STXBP5L: variants seen among roughly 807,000 people sequenced by gnomAD.
STXBP5L encodes the protein syntaxin-binding protein 5-like.
In STXBP5L, 65 loss-of-function variants were observed where a neutral mutation model predicts 144.5. The observed-to-expected ratio is 0.45, with a 90% confidence interval of 0.37 to 0.55. The LOEUF (loss-of-function observed/expected upper bound fraction) is 0.55. STXBP5L is among the 20% of genes least tolerant of loss of function. The pLI, the probability that STXBP5L is intolerant of heterozygous loss-of-function variation, is 0.00. For missense variants in STXBP5L, 1,298 were observed against 1,405.5 expected, an observed-to-expected ratio of 0.92 and a Z score of 1.22; for synonymous variants, 505 against 469.6, an observed-to-expected ratio of 1.08 and a Z score of -0.97.
chr3:121,016,539 A>T (rs951345564), intron 3 of STXBP5L, among the ~76,000 whole-genome samples: 1 of 152,224 alleles, frequency 6.6e-6, no homozygotes, highest in Non-Finnish European at 1.5e-5. Context: ...AGATAAATAG[A>T]AACTTCTCAA....
chr3:121,313,728 G>A (rs1202985926), intron 19 of STXBP5L, among the ~76,000 whole-genome samples: 1 of 97,860 alleles, frequency 1.0e-5, no homozygotes, highest in African/African-American at 3.6e-5. Flanking sequence ...CTGGCCGGGC[G>A]GGGGGCTGAC....
chr3:121,359,849 C>T (rs1236334222), intron 20 of STXBP5L, among the ~76,000 whole-genome samples: 2 of 151,100 alleles, frequency 1.3e-5, no homozygotes, highest in African/African-American at 4.9e-5. Flanking sequence ...GGTAACTATA[C>T]CTCTGTAGTA....
intron 18 of STXBP5L, among the ~76,000 whole-genome samples, chr3:121,264,734 T>C (rs1198855133): frequency 6.6e-6 from 1 of 151,152 alleles, no homozygotes; most frequent in Non-Finnish European, 1.5e-5. Context: ...GGAGACCCAT[T>C]GTATGTGCAA....
intron 3 of STXBP5L, among the ~76,000 whole-genome samples, chr3:120,960,327 C>G (rs1022492174): frequency 1.3e-5 from 2 of 152,130 alleles, no homozygotes; most frequent in South Asian, 4.2e-4. Flanking sequence ...TAAACTAGTT[C>G]AACCATTGTG....
chr3:121,182,664 A>G (rs2047207596), intron 9 of STXBP5L, among the ~76,000 whole-genome samples: 1 of 152,186 alleles, frequency 6.6e-6, no homozygotes, highest in African/African-American at 2.4e-5. Context: ...GCAGAACTAA[A>G]TGAAATTGAA....
intron 2 of STXBP5L, among the ~76,000 whole-genome samples, 189 bp from the exon 3 acceptor site, chr3:120,954,747 GTGTT>G (rs1037339309): frequency 9.2e-5 from 14 of 151,986 alleles, no homozygotes; most frequent in African/African-American, 3.1e-4. Context: ...TTTTAAAAAA[GTGTT>G]TGTATCATTT....
In STXBP5L at chr3:121,208,716, A is replaced by G. The variant is rs191813703; in HGVS notation, c.956+2715A>G. Among the ~76,000 whole-genome samples the G allele has an allele frequency of 8.3e-4, 126 of 152,296 alleles. 1 individual carries two copies. The highest frequency in any genetic ancestry group is 1.4e-3 in the Non-Finnish European group (96 of 68,032). ...AAGGATTATTAAGGTGCAGGACACT[A>G]TATTAACTGTTCCTAGCAGCTTGTG... On this transcript the variant is annotated intron_variant, in intron 10 of 26. Coordinates refer to ENST00000471454, the MANE Select transcript of STXBP5L (RefSeq NM_001308330.2).
At chr3:120,995,895 T>C (rs1943310459) in intron 3 of STXBP5L, among the ~76,000 whole-genome samples, 1 of 152,162 alleles carries the variant, frequency 6.6e-6, no homozygotes, top group Non-Finnish European at 1.5e-5. Flanking sequence ...TCTTATCATT[T>C]CCTTTCTGCT....
intron 9 of STXBP5L, chr3:121,157,960 A>G (rs558523059): frequency 1.6e-3 from 349 of 214,444 alleles, no homozygotes; most frequent in African/African-American, 7.9e-3. Flanking sequence ...CAGTGAGAGA[A>G]TGGCACTATT....
chr3:121,381,286 T>C lies in STXBP5L; in HGVS notation c.2348-7T>C, dbSNP rs758008844. 5.1e-6 allele frequency: 8 copies of C among 1,579,906 alleles called. No homozygotes were observed. The South Asian group carries it at 9.5e-5, about 19-fold the overall frequency. ...TTTGTGTGGTTTTTTTTTATTTATTTCCATAGAAAACCGAGAAAATTCCTA... is the reference window on the plus strand; with the variant it reads ...TTTGTGTGGTTTTTTTTTATTTATTCCCATAGAAAACCGAGAAAATTCCTA... On this transcript the variant is annotated splice_region_variant and splice_polypyrimidine_tract_variant and intron_variant, in intron 21 of 26. Transcript: ENST00000471454.
chr3:121,285,792 T>C (rs960629164), intron 19 of STXBP5L, among the ~76,000 whole-genome samples: 5 of 152,106 alleles, frequency 3.3e-5, no homozygotes, highest in African/African-American at 1.2e-4. Flanking sequence ...TTCTAATATA[T>C]AAAGTAAAAA....
intron 20 of STXBP5L, among the ~76,000 whole-genome samples, chr3:121,370,335 T>A (rs2045993846): frequency 6.6e-6 from 1 of 152,146 alleles, no homozygotes; most frequent in African/African-American, 2.4e-5. Context: ...ACCACTGCAC[T>A]CCACCCCGGG....
intron 12 of STXBP5L, among the ~76,000 whole-genome samples, chr3:121,238,222 G>T (rs1051544389): frequency 1.3e-5 from 2 of 151,922 alleles, no homozygotes; most frequent in African/African-American, 4.8e-5. Context: ...TTACAAGATT[G>T]GGCATCTGTA....
At chr3:121,220,480 G>A (rs1337348192) in intron 10 of STXBP5L, among the ~76,000 whole-genome samples, 1 of 152,006 alleles carries the variant, frequency 6.6e-6, no homozygotes. Flanking sequence ...TCAAACAACT[G>A]TGTTCCTTTA....
chr3:121,055,327 T>G (rs558374751), intron 5 of STXBP5L, among the ~76,000 whole-genome samples: 2 of 152,250 alleles, frequency 1.3e-5, no homozygotes, highest in African/African-American at 4.8e-5. Context: ...TATTAGCCGT[T>G]TAATTCTGTA....
intron 17 of STXBP5L, 79 bp from the exon 18 acceptor site, chr3:121,258,964 G>T (rs2050297321): frequency 1.5e-6 from 2 of 1,367,830 alleles, no homozygotes; most frequent in South Asian, 4.0e-5. Context: ...TCTGTAGCAT[G>T]ATTCTATGTA....
chr3:121,184,929 G>A lies in STXBP5L; in HGVS notation c.878-20994G>A, dbSNP rs548334149. Among the ~76,000 whole-genome samples, 152 of 152,216 alleles carry A rather than the reference G, an allele frequency of 1.0e-3. 1 individual carries two copies. Among genetic ancestry groups the A allele is most frequent in the Non-Finnish European group, 2.4e-4 (16 of 67,998 alleles). On this transcript the variant is annotated intron_variant, in intron 9 of 26. Transcript: ENST00000471454. ...CAATATTCAACATTCTTAAAGAAAAGAATTTTCAACCCAGAATTTCATATC... is the reference window on the plus strand; with the variant it reads ...CAATATTCAACATTCTTAAAGAAAAAAATTTTCAACCCAGAATTTCATATC...
chr3:121,302,887 G>T (rs528511674), intron 19 of STXBP5L, among the ~76,000 whole-genome samples: 1 of 152,122 alleles, frequency 6.6e-6, no homozygotes, highest in African/African-American at 2.4e-5. Context: ...AATTCAAGAT[G>T]GATTAAAGAC....
At chr3:121,173,241 A>G (rs747759412) in intron 9 of STXBP5L, among the ~76,000 whole-genome samples, 14 of 151,900 alleles carry the variant, frequency 9.2e-5, no homozygotes, top group Non-Finnish European at 1.8e-4. Context: ...TCACAGGTTA[A>G]TGGGTGCAGC....
Sources: allele counts gnomAD v4.1 joint callset (sites outside exome capture counted in the v4.1 genomes callset), GRCh38; gene constraint gnomAD v4.1.1; transcripts MANE v1.5; gene names NCBI Gene and HGNC (gene_info 2026-07-23, HGNC 2026-07-21).